Variants in FKBP14 observed in about 807,000 individuals in gnomAD.
FKBP14 encodes the protein FKBP prolyl isomerase 14, also known as peptidyl-prolyl cis-trans isomerase FKBP14.
In FKBP14, 20 loss-of-function variants were observed where a neutral mutation model predicts 21.6. The ratio of observed to expected loss-of-function variants is 0.92; its 90% confidence interval spans 0.65 to 1.34. The LOEUF (loss-of-function observed/expected upper bound fraction) is 1.34. Among genes scored for constraint, FKBP14 ranks in the 40% most tolerant of loss-of-function variants. FKBP14 has a pLI of 0.00. For missense variants in FKBP14, 253 were observed against 249.0 expected (o/e 1.02, Z -0.11); for synonymous variants, 79 against 86.7 (o/e 0.91, Z 0.49).
Position 30,014,846 on chromosome 7 carries a change from C to A in FKBP14, c.525G>T (p.Val175=), listed in dbSNP as rs747381671. Residue 175 remains valine (V), a synonymous_variant, in exon 4 of 4, where the codon GTG becomes GTT. Transcript: ENST00000222803. ...KKEFEKHGAV[V]NESHHDALVE... ...CCAAAGCATCATGATGACTTTCATT[C>A]ACCACCGCACCATGTTTTTCAAACT... 2.0e-4 allele frequency: 323 copies of A among 1,604,452 alleles called. No homozygotes were observed. Among genetic ancestry groups the A allele is most frequent in the Non-Finnish European group, 2.6e-4 (308 of 1,177,702 alleles).
At position 30,012,259 on chromosome 7, in the gene FKBP14, T is replaced by C. The variant is rs781728051; in HGVS notation, c.*2476A>G. ...ACTTAAAAACCATAACTTGTGCATATGTTTTCATTTTATACTTGTGTCCAA... is the reference window on the plus strand; with the variant it reads ...ACTTAAAAACCATAACTTGTGCATACGTTTTCATTTTATACTTGTGTCCAA... On this transcript the variant is annotated 3_prime_UTR_variant, in exon 4 of 4. Transcript: ENST00000222803. The C allele has an allele frequency of 3.9e-5, 6 of 152,270 alleles. No homozygotes were observed. Among genetic ancestry groups the C allele is most frequent in the Non-Finnish European group, 8.8e-5 (6 of 68,046 alleles). The allele number at this position is 152,270 out of a possible 1,614,324, so 9.4% of individuals were successfully genotyped here. A position where few individuals can be genotyped will look rare whatever the true frequency, so the allele number is the denominator to read the frequency against.
chr7:30,009,956 G>A (rs542635301), downstream of FKBP14, among the ~76,000 whole-genome samples: 68 of 152,084 alleles, frequency 4.5e-4, no homozygotes, highest in Admixed American at 9.2e-4. Context: ...CCAAGATCGC[G>A]CCACTGGACT....
intron 2 of FKBP14, among the ~76,000 whole-genome samples, chr7:30,021,914 G>A (rs1027042615): frequency 1.3e-5 from 2 of 152,152 alleles, no homozygotes; most frequent in Non-Finnish European, 2.9e-5. Context: ...GTTCTCACTT[G>A]AACAGCAGGA....
intron 2 of FKBP14, among the ~76,000 whole-genome samples, chr7:30,020,728 T>C (rs1352551770): frequency 1.3e-5 from 2 of 152,082 alleles, no homozygotes; most frequent in African/African-American, 4.8e-5. Context: ...ACTAAAACGG[T>C]AGAAAGTGAA....
rs1347920278 is a variant in FKBP14 at position 30,012,100 on chromosome 7, T to C, written c.*2635A>G. On this transcript the variant is annotated 3_prime_UTR_variant, in exon 4 of 4. Transcript: ENST00000222803. ...TTCCCACAACGATGAAATAACCTAA[T>C]TAGACATTTCTCAGAGTGCATCTCC... 4 of 152,252 alleles carry C rather than the reference T, an allele frequency of 2.6e-5. No individual in the cohort carries two copies. Among genetic ancestry groups the C allele is most frequent in the Non-Finnish European group, 5.9e-5 (4 of 68,052 alleles). The allele number at this position is 152,252 out of a possible 1,614,324, so 9.4% of individuals were successfully genotyped here. A position where few individuals can be genotyped will look rare whatever the true frequency, so the allele number is the denominator to read the frequency against.
At position 30,022,751 on chromosome 7, in the gene FKBP14, C is replaced by A; in HGVS notation, c.263G>T (p.Trp88Leu). 1 of 1,614,138 alleles carries A rather than the reference C, an allele frequency of 6.2e-7. No individual in the cohort carries two copies. The highest frequency in any genetic ancestry group is 8.5e-7 in the Non-Finnish European group (1 of 1,180,004). The change falls in exon 2 of 4, where the codon TGG becomes TTG. Residue 88 changes from tryptophan to leucine, a missense_variant. Physicochemically the swap from Trp to Leu is moderately conservative, Grantham distance 61 (BLOSUM62 -2). Transcript: ENST00000222803. ...ACACATTCCTTTCAAGCCCTGGTCC[C>A]AACCTTTGAGAGCCTCCAGGATGCC... Reference protein sequence around the residue: ...TLGILEALKGWDQGLKGMCVG... With the variant: ...TLGILEALKGLDQGLKGMCVG...
At position 30,014,831 on chromosome 7, in the gene FKBP14, A is replaced by G. The variant is rs1447463527; in HGVS notation, c.540T>C (p.His180=). Residue 180 remains histidine, a synonymous_variant, in exon 4 of 4, where the codon CAT becomes CAC. Coordinates refer to ENST00000222803, the MANE Select transcript of FKBP14 (RefSeq NM_017946.4). ...CAAAAATATCCTCCACCAAAGCATC[A>G]TGATGACTTTCATTCACCACCGCAC... ...KHGAVVNESH[H]DALVEDIFDK... The G allele has an allele frequency of 6.2e-7, 1 of 1,611,746 alleles. No homozygotes were observed. The highest frequency in any genetic ancestry group is 8.5e-7 in the Non-Finnish European group (1 of 1,179,356).
intron 1 of FKBP14, among the ~76,000 whole-genome samples, chr7:30,024,131 A>C (rs571994550): frequency 6.6e-6 from 1 of 151,858 alleles, no homozygotes; most frequent in Non-Finnish European, 1.5e-5. Flanking sequence ...TGTAGGTGAG[A>C]AAAAGAAGTC....
chr7:30,022,956 C>T, intron 1 of FKBP14, 140 bp from the exon 2 acceptor site: 1 of 647,032 alleles, frequency 1.5e-6, no homozygotes, highest in African/African-American at 1.9e-5. Context: ...CACACATACA[C>T]ACACACCTCC....
chr7:30,018,953 C>G, intron 3 of FKBP14, 43 bp downstream of exon 3: 1 of 1,589,692 alleles, frequency 6.3e-7, no homozygotes, highest in Non-Finnish European at 8.5e-7. Flanking sequence ...CCCCAAACAA[C>G]CAAAGAAAAG....
chr7:30,015,354 G>T (rs978590049), intron 3 of FKBP14, among the ~76,000 whole-genome samples: 1 of 151,884 alleles, frequency 6.6e-6, no homozygotes, highest in South Asian at 2.1e-4. Flanking sequence ...GAAGGCAGAG[G>T]TTGCAGTGAA....
downstream of FKBP14, among the ~76,000 whole-genome samples, chr7:30,010,229 C>T (rs907870097): frequency 6.6e-6 from 1 of 152,054 alleles, no homozygotes; most frequent in African/African-American, 2.4e-5. Flanking sequence ...TCAGTGTGTC[C>T]ACCTGCTACA....
rs1789786524 is a variant in FKBP14 at position 30,013,216 on chromosome 7, T to C, written c.*1519A>G. 6.6e-6 allele frequency: 1 copy of C among 151,796 alleles called. No homozygotes were observed. The highest frequency in any genetic ancestry group is 2.4e-5 in the African/African-American group (1 of 41,344). The allele number at this position is 151,796 out of a possible 1,614,324, so 9.4% of individuals were successfully genotyped here. On this transcript the variant is annotated 3_prime_UTR_variant, in exon 4 of 4. Transcript: ENST00000222803. The stretch of plus-strand genomic sequence containing the variant: ...TTTTTTTCTTTTTTAAAATCCAGGA[T>C]AGGTATTTATTCAATAGTAGCTGCT...
At position 30,014,111 on chromosome 7, in the gene FKBP14, C is replaced by G. The variant is rs1789818382; in HGVS notation, c.*624G>C. 6.6e-6 allele frequency: 1 copy of G among 152,102 alleles called. No individual in the cohort carries two copies. The highest frequency in any genetic ancestry group is 2.4e-5 in the African/African-American group (1 of 41,370). The allele number at this position is 152,102 out of a possible 1,614,324, so 9.4% of individuals were successfully genotyped here. A position where few individuals can be genotyped will look rare whatever the true frequency, so the allele number is the denominator to read the frequency against. The stretch of plus-strand genomic sequence containing the variant: ...CTCCCAACCTCAGGTGATCCGCCCG[C>G]CTCAGCCTCCCAAAGTGCTGGGATT... On this transcript the variant is annotated 3_prime_UTR_variant, in exon 4 of 4. Transcript: ENST00000222803.
intron 1 of FKBP14, among the ~76,000 whole-genome samples, chr7:30,023,097 G>T (rs1790079357): frequency 6.6e-6 from 1 of 152,044 alleles, no homozygotes; most frequent in African/African-American, 2.4e-5. Context: ...TGTATACCAG[G>T]AATTATTCTA....
downstream of FKBP14, among the ~76,000 whole-genome samples, chr7:30,009,827 TAAAA>T (rs918480163): frequency 3.9e-5 from 4 of 102,372 alleles, no homozygotes; most frequent in African/African-American, 1.1e-4. Flanking sequence ...CTGTCTCTAC[TAAAA>T]AAAAAAAAAA....
At chr7:30,016,804 T>C (rs1789897142) in intron 3 of FKBP14, among the ~76,000 whole-genome samples, 1 of 152,172 alleles carries the variant, frequency 6.6e-6, no homozygotes, top group South Asian at 2.1e-4. Flanking sequence ...TTATATCACC[T>C]CTCTTCCTTC....
chr7:30,015,470 A>C (rs531420407), intron 3 of FKBP14, among the ~76,000 whole-genome samples: 54 of 150,670 alleles, frequency 3.6e-4, no homozygotes, highest in African/African-American at 6.5e-4. Context: ...AGCTCTCTCT[A>C]TATATATATT....
intron 3 of FKBP14, among the ~76,000 whole-genome samples, chr7:30,017,390 G>A (rs929312972): frequency 5.3e-5 from 8 of 152,038 alleles, no homozygotes; most frequent in African/African-American, 1.4e-4. Context: ...CCAACATGGT[G>A]AAACCCTGTC....
Sources: allele counts gnomAD v4.1 joint callset (sites outside exome capture counted in the v4.1 genomes callset), GRCh38; gene constraint gnomAD v4.1.1; transcripts MANE v1.5; gene names NCBI Gene and HGNC (gene_info 2026-07-23, HGNC 2026-07-21).